The following SOX15 variants were observed in gnomAD, a reference collection of about 807,000 sequenced individuals.
The protein encoded by SOX15 is transcription factor SOX-15.
Under a neutral mutation model 15.9 loss-of-function variants are expected in SOX15, and 12 were observed. That is an observed-to-expected ratio of 0.75 (90% CI 0.48 to 1.22). SOX15 has a LOEUF of 1.22. SOX15 is among the 50% of genes most tolerant of loss of function. The probability of loss-of-function intolerance (pLI) is 0.00; values close to 1 mark genes in which losing one functional copy is unlikely to be tolerated. For synonymous variants in SOX15, 149 were observed against 142.8 expected, an observed-to-expected ratio of 1.04 and a Z score of -0.31; for missense variants, 309 against 313.9, an observed-to-expected ratio of 0.98 and a Z score of 0.12.
rs778725487 is a variant in SOX15, at chr17:7,588,186, T to G, written c.*192A>C. 2.7e-6 allele frequency: 2 copies of G among 730,434 alleles called. No homozygotes were observed. Among genetic ancestry groups the G allele is most frequent in the Non-Finnish European group, 5.0e-6 (2 of 398,572 alleles). 45.2% of individuals were successfully genotyped at this position (730,434 alleles called of 1,614,324 possible). Reference sequence around the variant, plus strand: ...AAAGACTGGAGACTCAGTTGAATAATACAAAACTGTTTAATACTACCAAAA... The same window carrying G: ...AAAGACTGGAGACTCAGTTGAATAAGACAAAACTGTTTAATACTACCAAAA... On this transcript the variant is annotated 3_prime_UTR_variant, in exon 2 of 2. Coordinates refer to ENST00000250055, the MANE Select transcript of SOX15 (RefSeq NM_006942.2).
chr17:7,588,696 T>A (rs1030646656), intron 1 of SOX15, 150 bp from the exon 2 acceptor site: 4 of 859,786 alleles, frequency 4.7e-6, no homozygotes, highest in Non-Finnish European at 3.8e-6. Flanking sequence ...GACCCCGGGA[T>A]GGAGAGCCCG....
Position 7,589,609 on chromosome 17 carries a change from G to T in SOX15, c.68C>A (p.Ala23Asp). 1 of 1,560,666 alleles carries T rather than the reference G, an allele frequency of 6.4e-7. No homozygotes were observed. ...CTCCTGGGGTCCCGAAGATGAGGAG[G>T]CAGCAGCCGTGGCAGCCGGAGGCTC... ...SLEPPAATAA[A>D]SSSSGPQERE... Residue 23 changes from alanine (A) to aspartate (D), a missense_variant, in exon 1 of 2, where the codon GCC becomes GAC. Coordinates refer to ENST00000250055, the MANE Select transcript of SOX15 (RefSeq NM_006942.2).
chr17:7,589,062 G>C, intron 1 of SOX15, 82 bp downstream of exon 1: 1 of 1,324,268 alleles, frequency 7.6e-7, no homozygotes, highest in South Asian at 1.6e-5. Context: ...GTGGGCTCCC[G>C]TCCTCCGGCA....
In SOX15 at chr17:7,590,002, T is replaced by G. The variant is rs1799363426; in HGVS notation, c.-326A>C. 2.7e-6 allele frequency: 1 copy of G among 370,922 alleles called. No individual in the cohort carries two copies. The highest frequency in any genetic ancestry group is 4.9e-6 in the Non-Finnish European group (1 of 204,622). 23.0% of individuals were successfully genotyped at this position (370,922 alleles called of 1,614,324 possible). On this transcript the variant is annotated 5_prime_UTR_variant, in exon 1 of 2. Coordinates refer to ENST00000250055, the MANE Select transcript of SOX15 (RefSeq NM_006942.2). ...TCAGACCGACCTTCCGTGGAGGGGG[T>G]AAACCATAAACCCCTTTGTGGTCTC...
intron 1 of SOX15, 51 bp downstream of exon 1, chr17:7,589,093 A>G: frequency 7.0e-7 from 1 of 1,422,902 alleles, no homozygotes; most frequent in Admixed American, 2.9e-5. Context: ...CCAAGGCTCC[A>G]GAAGAGGGGC....
chr17:7,588,705 C>T (rs2071625202), intron 1 of SOX15, among the ~76,000 whole-genome samples, 159 bp from the exon 2 acceptor site: 1 of 152,170 alleles, frequency 6.6e-6, no homozygotes, highest in African/African-American at 2.4e-5. Context: ...ATGGAGAGCC[C>T]GCGGCCCTGT....
At chr17:7,588,925 G>A in intron 1 of SOX15, 2 of 590,758 alleles carry the variant, frequency 3.4e-6, no homozygotes, top group Non-Finnish European at 6.0e-6. Context: ...ACCCTACAGG[G>A]CCCACCACCT....
In SOX15 at chr17:7,589,628, G is replaced by GAGGCTCC. The variant is rs1324352606; in HGVS notation, c.42_48dup (p.Pro17GlyfsTer182). ...GAGGAGGCAGCAGCCGTGGCAGCCGGAGGCTCCAGGCTCCAGGCCTGGTCC... is the reference window on the plus strand; with the variant it reads ...GAGGAGGCAGCAGCCGTGGCAGCCGGAGGCTCCAGGCTCCAGGCTCCAGGCCTGGTCC... On this transcript the variant is annotated frameshift_variant, in exon 1 of 2. Coordinates refer to ENST00000250055, the MANE Select transcript of SOX15 (RefSeq NM_006942.2). LOFTEE classifies it high-confidence loss of function. 14 of 1,550,672 alleles carry GAGGCTCC rather than the reference G, an allele frequency of 9.0e-6. No homozygotes were observed. Among genetic ancestry groups the GAGGCTCC allele is most frequent in the East Asian group, 2.4e-5 (1 of 41,520 alleles).
rs199521455 is a variant in SOX15, at chr17:7,588,350, C to T, written c.*28G>A. ...TGGATTAAAAAAGGAGGATGAGGCC[C>T]GTCCCGTGAGGTCTGCGTCCATGAG... On this transcript the variant is annotated 3_prime_UTR_variant, in exon 2 of 2. Transcript: ENST00000250055. 8.7e-6 allele frequency: 14 copies of T among 1,609,544 alleles called. No individual in the cohort carries two copies. The highest frequency in any genetic ancestry group is 6.6e-5 in the South Asian group (6 of 90,962).
At position 7,589,422 on chromosome 17, in the gene SOX15, C is replaced by T. The variant is rs1450063293; in HGVS notation, c.255G>A (p.Ala85=). 3 of 1,613,662 alleles carry T rather than the reference C, an allele frequency of 1.9e-6. No homozygotes were observed. The South Asian group carries it at 3.3e-5, about 18-fold the overall frequency. ...HNSEISKRLG[A]QWKLLDEDEK... is the part of the protein sequence containing the mutation. ...CGTCCTCGTCCAGCAGCTTCCACTG[C>T]GCGCCCAGGCGCTTGGAGATCTCGG... Residue 85 remains alanine (A), a synonymous_variant, in exon 1 of 2, where the codon GCG becomes GCA. Coordinates refer to ENST00000250055, the MANE Select transcript of SOX15 (RefSeq NM_006942.2).
At position 7,589,747 on chromosome 17, in the gene SOX15, G is replaced by A; in HGVS notation, c.-71C>T. 1.5e-6 allele frequency: 2 copies of A among 1,352,628 alleles called. No individual in the cohort carries two copies. Among genetic ancestry groups the A allele is most frequent in the Admixed American group, 5.5e-5 (2 of 36,520 alleles). 83.8% of individuals were successfully genotyped at this position (1,352,628 alleles called of 1,614,324 possible). A position where few individuals can be genotyped will look rare whatever the true frequency, so the allele number is the denominator to read the frequency against. ...AACGTGAAGCGTCGATCCTGAAAAT[G>A]GAAAGGTCTTCCCAGTCTGGAGTCG... On this transcript the variant is annotated 5_prime_UTR_variant, in exon 1 of 2. Transcript: ENST00000250055.
At chr17:7,589,097 G>T in intron 1 of SOX15, 47 bp downstream of exon 1, 1 of 1,428,862 alleles carries the variant, frequency 7.0e-7, no homozygotes, top group Non-Finnish European at 9.2e-7. Context: ...GGCTCCAGAA[G>T]AGGGGCGCAT....
chr17:7,589,108 G>T, intron 1 of SOX15, 36 bp downstream of exon 1: 1 of 1,444,494 alleles, frequency 6.9e-7, no homozygotes, highest in African/African-American at 1.4e-5. Flanking sequence ...AGGGGCGCAT[G>T]GGCCTCCGTC....
intron 1 of SOX15, 61 bp downstream of exon 1, chr17:7,589,083 C>T (rs780967354): frequency 5.5e-5 from 77 of 1,407,268 alleles, no homozygotes; most frequent in Non-Finnish European, 7.2e-5. Flanking sequence ...TCCGCCCCCA[C>T]CAAGGCTCCA....
In SOX15 at chr17:7,588,474, T is replaced by A; in HGVS notation, c.606A>T (p.Glu202Asp). The A allele has an allele frequency of 6.2e-7, 1 of 1,613,774 alleles. No homozygotes were observed. Among genetic ancestry groups the A allele is most frequent in the Non-Finnish European group, 8.5e-7 (1 of 1,179,830 alleles). The change falls in exon 2 of 2, where the codon GAA becomes GAT. Residue 202 changes from glutamate (E) to aspartate (D), a missense_variant. Physicochemically the swap from Glu to Asp is conservative, Grantham distance 45 (BLOSUM62 2). Coordinates refer to ENST00000250055, the MANE Select transcript of SOX15 (RefSeq NM_006942.2). ...GGTAGTGGGTATAGGTGGGCAGCAG[T>A]TCCCCCTGGAGCCTAGGGTCACTCT... is the stretch of plus-strand genomic sequence containing the variant. ...LPQSDPRLQG[E>D]LLPTYTHYLP...
chr17:7,589,219 G>T lies in SOX15; in HGVS notation c.458C>A (p.Ala153Glu), dbSNP rs1157225589. Residue 153 changes from alanine to glutamate, a missense_variant, in exon 1 of 2, where the codon GCG becomes GAG. Ala to Glu is a moderately radical substitution (Grantham distance 107, BLOSUM62 -1). Coordinates refer to ENST00000250055, the MANE Select transcript of SOX15 (RefSeq NM_006942.2). ...AAAGCCTCTGCTCGGTTGGGTGGTC[G>T]CGTACCCCGGCCCCCAGAGCGGGCC... ...SGGPLWGPGY[A>E]TTQPSRGFGY... 1 of 1,541,708 alleles carries T rather than the reference G, an allele frequency of 6.5e-7. No homozygotes were observed. The highest frequency in any genetic ancestry group is 2.4e-5 in the East Asian group (1 of 40,840).
Position 7,589,390 on chromosome 17 carries a change from C to A in SOX15, c.287G>T (p.Arg96Leu). ...CCGCTTGGCCTCCTCCACGAAGGGC[C>A]GCTTCTCGTCCTCGTCCAGCAGCTT... is the stretch of plus-strand genomic sequence containing the variant. ...QWKLLDEDEK[R>L]PFVEEAKRLR... Residue 96 changes from arginine to leucine, a missense_variant, in exon 1 of 2, where the codon CGG becomes CTG. By Grantham distance (102) the Arg-to-Leu change is moderately radical. Coordinates refer to ENST00000250055, the MANE Select transcript of SOX15 (RefSeq NM_006942.2). The A allele has an allele frequency of 6.2e-7, 1 of 1,612,820 alleles. No homozygotes were observed. The highest frequency in any genetic ancestry group is 8.5e-7 in the Non-Finnish European group (1 of 1,179,498).
Position 7,590,012 on chromosome 17 carries a change from A to C in SOX15, c.-336T>G, listed in dbSNP as rs2071640439. 2.5e-5 allele frequency: 8 copies of C among 314,498 alleles called. No homozygotes were observed. The highest frequency in any genetic ancestry group is 4.8e-5 in the South Asian group (1 of 20,964). 19.5% of individuals were successfully genotyped at this position (314,498 alleles called of 1,614,324 possible). ...CTTCCGTGGAGGGGGTAAACCATAA[A>C]CCCCTTTGTGGTCTCCGGAGTTCCG... On this transcript the variant is annotated 5_prime_UTR_variant, in exon 1 of 2. Coordinates refer to ENST00000250055, the MANE Select transcript of SOX15 (RefSeq NM_006942.2).
At position 7,589,067 on chromosome 17, in the gene SOX15, C is replaced by T. The variant is rs2071628725; in HGVS notation, c.533+77G>A. ...CTCTGCTTGGGTGGGCTCCCGTCCT[C>T]CGGCATCCGCCCCCACCAAGGCTCC... On this transcript the variant is annotated intron_variant, in intron 1 of 1. Coordinates refer to ENST00000250055, the MANE Select transcript of SOX15 (RefSeq NM_006942.2). 2.9e-6 allele frequency: 4 copies of T among 1,356,642 alleles called. No homozygotes were observed. The South Asian group carries it at 4.6e-5, about 16-fold the overall frequency. 84.0% of individuals were successfully genotyped at this position (1,356,642 alleles called of 1,614,324 possible).
Sources: allele counts gnomAD v4.1 joint callset (sites outside exome capture counted in the v4.1 genomes callset), GRCh38; gene constraint gnomAD v4.1.1; transcripts MANE v1.5; gene names NCBI Gene and HGNC (gene_info 2026-07-23, HGNC 2026-07-21).